The following CFAP107 variants were observed in gnomAD, a reference collection of about 807,000 sequenced individuals.
CFAP107 encodes cilia and flagella associated protein 107, also known as cilia- and flagella-associated protein 107.
chr1:12,760,902 A>G, the CFAP107 span: 2 of 1,614,008 alleles, frequency 1.2e-6, no homozygotes, highest in Non-Finnish European at 1.7e-6. Context: ...TGGAGGGAGC[A>G]TGCGGTCCCG....
At chr1:12,746,542 G>T in the CFAP107 span, 1 of 1,605,304 alleles carries the variant, frequency 6.2e-7, no homozygotes, top group Non-Finnish European at 8.5e-7. Flanking sequence ...GAGGAGAAAG[G>T]TAAGGAAACG....
the CFAP107 span, among the ~76,000 whole-genome samples, chr1:12,754,786 A>G: frequency 6.6e-6 from 1 of 152,250 alleles, no homozygotes; most frequent in Admixed American, 6.5e-5. Flanking sequence ...GATTCTACTT[A>G]CATAGGGTGC....
the CFAP107 span, among the ~76,000 whole-genome samples, chr1:12,749,435 AC>A: frequency 6.6e-6 from 1 of 152,000 alleles, no homozygotes; most frequent in African/African-American, 2.4e-5. Context: ...ACATGGTAAA[AC>A]CCTATGTCTA....
At chr1:12,752,214 A>G in the CFAP107 span, among the ~76,000 whole-genome samples, 1 of 152,160 alleles carries the variant, frequency 6.6e-6, no homozygotes, top group African/African-American at 2.4e-5. Context: ...TCAAGCAAAT[A>G]GTAGAAACCC....
chr1:12,749,381 G>A, the CFAP107 span, among the ~76,000 whole-genome samples: 1 of 152,300 alleles, frequency 6.6e-6, no homozygotes, highest in African/African-American at 2.4e-5. Flanking sequence ...GGAGGATAAG[G>A]CAGGTAGATT....
At chr1:12,756,270 G>C in the CFAP107 span, among the ~76,000 whole-genome samples, 1 of 152,194 alleles carries the variant, frequency 6.6e-6, no homozygotes, top group Non-Finnish European at 1.5e-5. Context: ...ACTTGTCTAG[G>C]AATCATGGTG....
chr1:12,761,195 ACAGATTCAGACTGT>A, the CFAP107 span: 3 of 415,498 alleles, frequency 7.2e-6, no homozygotes, highest in African/African-American at 6.1e-5. Flanking sequence ...CGTGCACAAG[ACAGATTCAGACTGT>A]CAGAGAAAAC....
At chr1:12,754,496 T>C in the CFAP107 span, among the ~76,000 whole-genome samples, 8 of 152,340 alleles carry the variant, frequency 5.3e-5, no homozygotes, top group African/African-American at 1.9e-4. Context: ...ATCCAGCAAT[T>C]ACACTTCTGG....
At chr1:12,752,932 G>A in the CFAP107 span, among the ~76,000 whole-genome samples, 54 of 152,122 alleles carry the variant, frequency 3.5e-4, no homozygotes, top group Non-Finnish European at 7.4e-4. Context: ...CTCTCTTTTC[G>A]CAGATGGCAT....
chr1:12,761,090 G>A, the CFAP107 span: 2 of 779,566 alleles, frequency 2.6e-6, no homozygotes, highest in Non-Finnish European at 3.9e-6. Flanking sequence ...ATCATCATCT[G>A]CATTTGGCGG....
At chr1:12,760,337 T>C in the CFAP107 span, among the ~76,000 whole-genome samples, 70 of 152,346 alleles carry the variant, frequency 4.6e-4, no homozygotes, top group Admixed American at 2.6e-3. Context: ...TTTGTGGTCC[T>C]ACCTTTTGAT....
the CFAP107 span, chr1:12,761,185 C>T: frequency 6.2e-5 from 30 of 485,628 alleles, no homozygotes; most frequent in African/African-American, 1.2e-4. Context: ...GGGCTATGTA[C>T]GTGCACAAGA....
chr1:12,759,233 G>T, the CFAP107 span: 6 of 1,522,936 alleles, frequency 3.9e-6, no homozygotes, highest in East Asian at 4.5e-5. Context: ...CCTACATGTG[G>T]CAGCTCCTGT....
At chr1:12,757,940 T>C in the CFAP107 span, among the ~76,000 whole-genome samples, 3 of 152,090 alleles carry the variant, frequency 2.0e-5, no homozygotes, top group Admixed American at 6.5e-5. Context: ...CAAGCCAATA[T>C]TTCCTCTGCC....
At chr1:12,760,792 C>G in the CFAP107 span, 3 of 1,613,874 alleles carry the variant, frequency 1.9e-6, no homozygotes, top group Admixed American at 1.7e-5. Context: ...ACTATGGACT[C>G]TATGAGCAGC....
the CFAP107 span, chr1:12,755,657 A>C: frequency 7.5e-7 from 1 of 1,337,836 alleles, no homozygotes; most frequent in Non-Finnish European, 1.1e-6. Context: ...AAGTTTGAGA[A>C]GTGGCATCTC....
the CFAP107 span, among the ~76,000 whole-genome samples, chr1:12,756,440 C>T: frequency 5.3e-5 from 8 of 152,180 alleles, no homozygotes; most frequent in African/African-American, 1.7e-4. Context: ...GAGATCCTGG[C>T]CCTTCCAGGA....
At chr1:12,757,089 C>A in the CFAP107 span, among the ~76,000 whole-genome samples, 1 of 152,184 alleles carries the variant, frequency 6.6e-6, no homozygotes, top group South Asian at 2.1e-4. Context: ...TGAATTTTAA[C>A]ATAAACAAGT....
chr1:12,746,472 G>A, the CFAP107 span: 12 of 1,613,716 alleles, frequency 7.4e-6, no homozygotes, highest in South Asian at 6.6e-5. Flanking sequence ...TCTCTACTCC[G>A]AGCTGGCAGA....
Sources: gnomAD v4.1 joint callset for allele counts (sites outside exome capture counted in the v4.1 genomes callset) on GRCh38, gnomAD v4.1.1 for gene constraint, MANE v1.5 for transcripts, NCBI Gene and HGNC (gene_info 2026-07-23, HGNC 2026-07-21) for gene names.